Variants in SMAD4 observed in about 807,000 individuals in gnomAD.
SMAD4 encodes SMAD family member 4.
In SMAD4, 7 loss-of-function variants were observed where a neutral mutation model predicts 63.2. The ratio of observed to expected loss-of-function variants is 0.11; its 90% CI spans 0.06 to 0.21. The LOEUF (loss-of-function observed/expected upper bound fraction) is 0.21, where lower values mean the gene tolerates loss of function less well. Ranked by LOEUF, SMAD4 falls within the 10% of genes least tolerant of loss-of-function variation. The probability of loss-of-function intolerance (pLI) is 1.00; values close to 1 mark genes in which losing one functional copy is unlikely to be tolerated. For missense variants in SMAD4, 312 were observed against 693.8 expected, an observed-to-expected ratio of 0.45 and a Z score of 6.18; for synonymous variants, 215 against 235.4, an observed-to-expected ratio of 0.91 and a Z score of 0.79.
intron 10 of SMAD4, among the ~76,000 whole-genome samples, chr18:51,069,574 G>A (rs1223323783): frequency 6.6e-6 from 1 of 152,050 alleles, no homozygotes; most frequent in African/African-American, 2.4e-5. Flanking sequence ...CCTTACCCTG[G>A]CATCTGGGAT....
intron 10 of SMAD4, among the ~76,000 whole-genome samples, chr18:51,073,045 A>G (rs761965455): frequency 3.8e-4 from 58 of 152,080 alleles, no homozygotes; most frequent in Non-Finnish European, 7.4e-4. Context: ...TTTGAGTGCT[A>G]TAATTACGTA....
chr18:51,043,655 G>T (rs959140248), intron 1 of SMAD4, among the ~76,000 whole-genome samples: 4 of 152,116 alleles, frequency 2.6e-5, no homozygotes, highest in African/African-American at 4.8e-5. Context: ...AGAAAGCGAG[G>T]TCATTATCAT....
intron 1 of SMAD4, 126 bp from the exon 2 acceptor site, chr18:51,046,794 C>T: frequency 2.3e-6 from 1 of 432,936 alleles, no homozygotes; most frequent in East Asian, 3.3e-5. Context: ...CAACTCTGAG[C>T]ATCAAATTTT....
At position 51,084,282 on chromosome 18, in the gene SMAD4, A is replaced by G. The variant is rs1453820753; in HGVS notation, c.*5815A>G. ...GCTTAGTGATATTATGCTCAAAACA[A>G]GGAAATTCCCTTGAACCGTGTCAAT... is the stretch of plus-strand genomic sequence containing the variant. On this transcript the variant is annotated 3_prime_UTR_variant, in exon 12 of 12. Transcript: ENST00000342988. The G allele has an allele frequency of 4.4e-6, 1 of 229,176 alleles. No individual in the cohort carries two copies. The highest frequency in any genetic ancestry group is 2.2e-5 in the African/African-American group (1 of 45,076). The allele number at this position is 229,176 out of a possible 1,614,324, so 14.2% of individuals were successfully genotyped here. A position where few individuals can be genotyped will look rare whatever the true frequency, so the allele number is the denominator to read the frequency against.
rs113155703 is a variant in SMAD4 at position 51,083,461 on chromosome 18, G to GT, written c.*5005dup. ...GAAACTTTTTGTCCTTTTTTTTTCT[G>GT]TTTTTTTTTTTCTAATGTAGTAAGG... On this transcript the variant is annotated 3_prime_UTR_variant, in exon 12 of 12. Transcript: ENST00000342988. The GT allele has an allele frequency of 0.075, 14,550 of 192,762 alleles. 461 individuals carry two copies. The highest frequency in any genetic ancestry group is 0.15 in the African/African-American group (6,237 of 42,696). The allele number at this position is 192,762 out of a possible 1,614,324, so 11.9% of individuals were successfully genotyped here.
intron 1 of SMAD4, among the ~76,000 whole-genome samples, chr18:51,031,320 A>G (rs899892787): frequency 3.3e-5 from 5 of 152,228 alleles, no homozygotes; most frequent in African/African-American, 7.2e-5. Flanking sequence ...AGGATTTCTC[A>G]AACTAGATTT....
chr18:51,043,861 T>C (rs1909459961), intron 1 of SMAD4, among the ~76,000 whole-genome samples: 1 of 152,210 alleles, frequency 6.6e-6, no homozygotes, highest in Non-Finnish European at 1.5e-5. Context: ...CAAAAGTGTC[T>C]GCACTCTTCT....
intron 1 of SMAD4, among the ~76,000 whole-genome samples, chr18:51,033,804 C>G (rs1220308234): frequency 6.6e-6 from 1 of 152,138 alleles, no homozygotes; most frequent in Admixed American, 6.5e-5. Context: ...AACACTATTA[C>G]CTGGTGTAAT....
chr18:51,031,408 T>C lies in SMAD4; in HGVS notation c.-128+785T>C, dbSNP rs78685185. 4.6e-5 allele frequency among the ~76,000 whole-genome samples: 7 copies of C among 152,356 alleles called. No homozygotes were observed. The East Asian group carries it at 1.3e-3, about 29-fold the overall frequency. ...AGGCTTTAAAAAGCCCTGTTGAAGA[T>C]TGATAGCTGTTTCCCTTCAAAAACC... is the stretch of plus-strand genomic sequence containing the variant. On this transcript the variant is annotated intron_variant, in intron 1 of 11. Coordinates refer to ENST00000342988, the MANE Select transcript of SMAD4 (RefSeq NM_005359.6).
chr18:51,066,944 T>C (rs2144451269), intron 9 of SMAD4, 75 bp from the exon 10 acceptor site: 1 of 1,101,086 alleles, frequency 9.1e-7, no homozygotes, highest in South Asian at 1.3e-5. Context: ...ATATTAAGCA[T>C]GCTATACAAT....
At chr18:51,054,743 CTTAT>C in intron 4 of SMAD4, 34 bp from the exon 5 acceptor site, 1 of 1,437,428 alleles carries the variant, frequency 7.0e-7, no homozygotes, top group Non-Finnish European at 9.7e-7. Context: ...GGAATAGAAG[CTTAT>C]AAAAATTTAA....
intron 10 of SMAD4, among the ~76,000 whole-genome samples, chr18:51,067,530 A>G (rs1311555520): frequency 1.3e-5 from 2 of 152,134 alleles, no homozygotes; most frequent in Non-Finnish European, 2.9e-5. Flanking sequence ...CTCGTGCCTC[A>G]GCATCCCAAG....
chr18:51,052,718 T>C, intron 4 of SMAD4: 1 of 203,458 alleles, frequency 4.9e-6, no homozygotes, highest in Non-Finnish European at 1.0e-5. Flanking sequence ...CATTCCCCCC[T>C]ACCTCAGGTA....
intron 1 of SMAD4, among the ~76,000 whole-genome samples, chr18:51,043,710 G>A (rs1000246941): frequency 6.6e-6 from 1 of 152,222 alleles, no homozygotes; most frequent in African/African-American, 2.4e-5. Flanking sequence ...TTGAGATACC[G>A]TTAAGGCCCC....
At chr18:51,059,457 G>A (rs1434250714) in intron 7 of SMAD4, among the ~76,000 whole-genome samples, 2 of 152,186 alleles carry the variant, frequency 1.3e-5, no homozygotes, top group African/African-American at 4.8e-5. Context: ...AATTATGTTA[G>A]CTATGATTCC....
At chr18:51,064,770 G>A (rs750146525) in intron 8 of SMAD4, among the ~76,000 whole-genome samples, 1 of 152,154 alleles carries the variant, frequency 6.6e-6, no homozygotes, top group Non-Finnish European at 1.5e-5. Context: ...AATACCTTTT[G>A]CTATGGCATA....
chr18:51,054,704 A>G (rs1210585460), intron 4 of SMAD4, 77 bp from the exon 5 acceptor site: 2 of 934,086 alleles, frequency 2.1e-6, no homozygotes, highest in Non-Finnish European at 3.4e-6. Flanking sequence ...GTGTTATTAT[A>G]TTACTTGCTA....
At chr18:51,054,697 T>C (rs1909792117) in intron 4 of SMAD4, 84 bp from the exon 5 acceptor site, 1 of 858,166 alleles carries the variant, frequency 1.2e-6, no homozygotes, top group East Asian at 2.6e-5. Flanking sequence ...ATTTTAGGTG[T>C]TATTATATTA....
At chr18:51,072,261 T>C (rs1160192427) in intron 10 of SMAD4, among the ~76,000 whole-genome samples, 1 of 152,244 alleles carries the variant, frequency 6.6e-6, no homozygotes, top group Non-Finnish European at 1.5e-5. Flanking sequence ...GTACTTGTTA[T>C]CTGTCTTTTT....
Sources: allele counts gnomAD v4.1 joint callset (sites outside exome capture counted in the v4.1 genomes callset), GRCh38; gene constraint gnomAD v4.1.1; transcripts MANE v1.5; gene names NCBI Gene and HGNC (gene_info 2026-07-23, HGNC 2026-07-21).